Variants in TENM4 observed in about 807,000 individuals in gnomAD.
The protein encoded by TENM4 is teneurin transmembrane protein 4, also known as teneurin-4.
TENM4 carries 82 observed loss-of-function variants against 243.3 expected under a neutral mutation model. That is an observed-to-expected ratio of 0.34 (90% confidence interval 0.28 to 0.40). The LOEUF is 0.40. Among genes scored for constraint, TENM4 ranks in the 10% least tolerant of loss-of-function variants. The pLI is 1.00. For missense variants in TENM4, 3,138 were observed against 3,673.3 expected, an observed-to-expected ratio of 0.85 and a Z score of 3.77; for synonymous variants, 1,412 against 1,456.3, an observed-to-expected ratio of 0.97 and a Z score of 0.69.
intron 4 of TENM4, among the ~76,000 whole-genome samples, chr11:79,147,085 T>C (rs1862407769): frequency 6.6e-6 from 1 of 152,156 alleles, no homozygotes; most frequent in African/African-American, 2.4e-5. Context: ...GGCTGGACTC[T>C]ACAGGTTCAT....
intron 7 of TENM4, among the ~76,000 whole-genome samples, chr11:78,892,233 T>A (rs1438440861): frequency 2.6e-5 from 4 of 152,220 alleles, no homozygotes; most frequent in African/African-American, 9.6e-5. Context: ...AGTGACATGA[T>A]TCACACTCAA....
chr11:79,213,432 C>T (rs1416013199), intron 3 of TENM4, among the ~76,000 whole-genome samples: 1 of 152,172 alleles, frequency 6.6e-6, no homozygotes, highest in Non-Finnish European at 1.5e-5. Context: ...TAGTAATATA[C>T]ACACCAGGTA....
intron 3 of TENM4, among the ~76,000 whole-genome samples, chr11:79,194,222 A>G (rs1241895290): frequency 2.0e-5 from 3 of 151,962 alleles, no homozygotes; most frequent in African/African-American, 7.3e-5. Context: ...TGTAAGTCCA[A>G]TTAAACCTCT....
At chr11:79,054,590 C>T (rs1859893614) in intron 6 of TENM4, among the ~76,000 whole-genome samples, 1 of 151,790 alleles carries the variant, frequency 6.6e-6, no homozygotes, top group South Asian at 2.1e-4. Context: ...CCTCGATCAC[C>T]CAGGCCCCTA....
At position 78,940,172 on chromosome 11, in the gene TENM4, G is replaced by A. The variant is rs143392567; in HGVS notation, c.494-36649C>T. The stretch of plus-strand genomic sequence containing the variant: ...ATGTTTATCAAATTAGGTTCATACT[G>A]TATATACAGTTTATATCCAATCTCC... On this transcript the variant is annotated intron_variant, in intron 6 of 33. Coordinates refer to ENST00000278550, the MANE Select transcript of TENM4 (RefSeq NM_001098816.3). 1.7e-3 allele frequency among the ~76,000 whole-genome samples: 258 copies of A among 152,114 alleles called. 2 individuals carry two copies. Among genetic ancestry groups the A allele is most frequent in the African/African-American group, 5.9e-3 (245 of 41,500 alleles).
At chr11:79,050,767 C>T (rs1173806608) in intron 6 of TENM4, among the ~76,000 whole-genome samples, 1 of 152,176 alleles carries the variant, frequency 6.6e-6, no homozygotes, top group Non-Finnish European at 1.5e-5. Context: ...AATCCCTCTT[C>T]GGTGTTTGGG....
intron 9 of TENM4, among the ~76,000 whole-genome samples, chr11:78,864,934 C>T (rs1342815691): frequency 6.6e-6 from 1 of 152,040 alleles, no homozygotes; most frequent in Non-Finnish European, 1.5e-5. Context: ...GGAGGGGGTG[C>T]CTGACCCGCT....
At chr11:78,880,157 C>T (rs1418864342) in intron 9 of TENM4, among the ~76,000 whole-genome samples, 1 of 152,178 alleles carries the variant, frequency 6.6e-6, no homozygotes, top group Non-Finnish European at 1.5e-5. Context: ...ACCTTACCCC[C>T]AACCCCGTGC....
intron 16 of TENM4, among the ~76,000 whole-genome samples, chr11:78,779,077 G>A (rs981898299): frequency 2.0e-5 from 3 of 152,196 alleles, no homozygotes; most frequent in African/African-American, 7.2e-5. Flanking sequence ...ACCCCATCTC[G>A]GCAGAGGCCT....
chr11:79,049,361 TTATA>T (rs1421983004), intron 6 of TENM4, among the ~76,000 whole-genome samples: 4 of 152,218 alleles, frequency 2.6e-5, no homozygotes, highest in African/African-American at 9.6e-5. Flanking sequence ...CTCACAAAGT[TTATA>T]ATCACTCTCT....
chr11:78,767,182 G>A (rs1217575087), intron 18 of TENM4, among the ~76,000 whole-genome samples: 1 of 152,130 alleles, frequency 6.6e-6, no homozygotes, highest in African/African-American at 2.4e-5. Flanking sequence ...CTCTAATGTC[G>A]CCAAGACCTC....
chr11:79,330,411 G>C (rs1857043252), intron 1 of TENM4, among the ~76,000 whole-genome samples: 1 of 152,138 alleles, frequency 6.6e-6, no homozygotes, highest in Admixed American at 6.6e-5. Flanking sequence ...GAAAGGCAGG[G>C]GGCTAGGGGG....
At chr11:79,138,443 T>A (rs1275003057) in intron 4 of TENM4, among the ~76,000 whole-genome samples, 1 of 115,604 alleles carries the variant, frequency 8.7e-6, no homozygotes, top group African/African-American at 3.6e-5. Flanking sequence ...ATATATATTA[T>A]ATTTATATAT....
intron 4 of TENM4, among the ~76,000 whole-genome samples, chr11:79,107,371 T>C (rs1214207814): frequency 2.6e-5 from 4 of 152,200 alleles, no homozygotes; most frequent in Non-Finnish European, 5.9e-5. Flanking sequence ...GGAAACTTAA[T>C]GGTACCTCCC....
At chr11:78,950,021 G>T (rs533531153) in intron 6 of TENM4, among the ~76,000 whole-genome samples, 1 of 152,176 alleles carries the variant, frequency 6.6e-6, no homozygotes, top group South Asian at 2.1e-4. Context: ...TGGATGATGA[G>T]CAGGGTCAGC....
intron 1 of TENM4, among the ~76,000 whole-genome samples, chr11:79,353,064 G>A (rs769558441): frequency 6.6e-6 from 1 of 152,140 alleles, no homozygotes; most frequent in African/African-American, 2.4e-5. Context: ...CTGTCTCCCA[G>A]GTAGGGGGAC....
At chr11:79,260,165 G>T (rs1855771842) in intron 2 of TENM4, among the ~76,000 whole-genome samples, 1 of 152,154 alleles carries the variant, frequency 6.6e-6, no homozygotes, top group Non-Finnish European at 1.5e-5. Context: ...TTCATTTAAG[G>T]GCATCGGTGA....
intron 21 of TENM4, among the ~76,000 whole-genome samples, chr11:78,731,513 A>G (rs947396052): frequency 1.3e-4 from 20 of 152,202 alleles, no homozygotes; most frequent in African/African-American, 4.6e-4. Flanking sequence ...TAATAGGCAC[A>G]TTGCCTGAGT....
intron 1 of TENM4, among the ~76,000 whole-genome samples, chr11:79,392,474 G>C (rs371843770): frequency 6.6e-6 from 1 of 152,198 alleles, no homozygotes; most frequent in Non-Finnish European, 1.5e-5. Flanking sequence ...CTTTAGAAAA[G>C]GAAAGTCGCA....
Sources: gnomAD v4.1 joint callset for allele counts (sites outside exome capture counted in the v4.1 genomes callset) on GRCh38, gnomAD v4.1.1 for gene constraint, MANE v1.5 for transcripts, NCBI Gene and HGNC (gene_info 2026-07-23, HGNC 2026-07-21) for gene names.